ANKS1B: variants seen among roughly 807,000 people sequenced by gnomAD.
ANKS1B encodes ankyrin repeat and sterile alpha motif domain containing 1B.
Under a neutral mutation model 148.3 loss-of-function variants are expected in ANKS1B, and 36 were observed. The ratio of observed to expected loss-of-function variants is 0.24; its 90% confidence interval spans 0.19 to 0.32. The LOEUF (loss-of-function observed/expected upper bound fraction) is 0.32, where lower values mean the gene tolerates loss of function less well. ANKS1B is among the 10% of genes least tolerant of loss of function. ANKS1B has a pLI of 1.00. For missense variants in ANKS1B, 1,157 were observed against 1,542.6 expected (o/e 0.75, Z 4.19); for synonymous variants, 542 against 560.8 (o/e 0.97, Z 0.47).
chr12:98,895,280 C>T, intron 17 of ANKS1B: 1 of 985,488 alleles, frequency 1.0e-6, no homozygotes, highest in Non-Finnish European at 1.2e-6. Context: ...CCCTCGCATC[C>T]TCGGTTACTA....
At chr12:98,900,574 T>C (rs2099770625) in intron 17 of ANKS1B, among the ~76,000 whole-genome samples, 1 of 152,126 alleles carries the variant, frequency 6.6e-6, no homozygotes, top group Non-Finnish European at 1.5e-5. Context: ...GATGAGAAAG[T>C]AAGAGAGAGT....
intron 15 of ANKS1B, among the ~76,000 whole-genome samples, chr12:99,095,521 A>G (rs867808720): frequency 2.6e-5 from 4 of 152,184 alleles, no homozygotes; most frequent in Non-Finnish European, 5.9e-5. Flanking sequence ...TCTCCATTGG[A>G]TACCTGGAGG....
intron 14 of ANKS1B, among the ~76,000 whole-genome samples, chr12:99,226,157 A>G (rs1284114156): frequency 6.6e-6 from 1 of 152,206 alleles, no homozygotes; most frequent in Non-Finnish European, 1.5e-5. Context: ...TGAAAGAACT[A>G]ACAATAGTAT....
At chr12:99,219,634 T>C (rs570313370) in intron 14 of ANKS1B, among the ~76,000 whole-genome samples, 1 of 152,292 alleles carries the variant, frequency 6.6e-6, no homozygotes, top group Admixed American at 6.5e-5. Context: ...CACAAAAAGA[T>C]GCCTTTCACA....
chr12:98,847,938 G>A (rs111905691), intron 17 of ANKS1B, among the ~76,000 whole-genome samples: 9 of 152,144 alleles, frequency 5.9e-5, no homozygotes, highest in African/African-American at 2.2e-4. Flanking sequence ...TCCAGAAACA[G>A]AACTGAAGAA....
chr12:99,565,391 A>C (rs2097378557), intron 9 of ANKS1B, among the ~76,000 whole-genome samples: 1 of 152,016 alleles, frequency 6.6e-6, no homozygotes, highest in Admixed American at 6.6e-5. Flanking sequence ...CCTTCTTCAA[A>C]CCCCCCAACC....
intron 9 of ANKS1B, among the ~76,000 whole-genome samples, chr12:99,538,945 C>T (rs754126438): frequency 4.6e-5 from 7 of 152,044 alleles, no homozygotes; most frequent in Admixed American, 1.3e-4. Context: ...TATTTTATCA[C>T]GAAGAGATGT....
At chr12:99,810,357 T>C (rs1003027453) in intron 3 of ANKS1B, among the ~76,000 whole-genome samples, 113 of 151,958 alleles carry the variant, frequency 7.4e-4, no homozygotes, top group African/African-American at 2.7e-3. Flanking sequence ...TTTAAATACA[T>C]AAAAGTTTAT....
At chr12:98,904,860 CTT>C (rs5800371) in intron 17 of ANKS1B, among the ~76,000 whole-genome samples, 1,532 of 150,752 alleles carry the variant, frequency 0.01, 30 homozygotes, top group African/African-American at 0.033. Context: ...TTCAGTATCA[CTT>C]TTTTTTTTTC....
intron 1 of ANKS1B, among the ~76,000 whole-genome samples, chr12:99,852,831 T>C (rs2088185621): frequency 6.6e-6 from 1 of 152,218 alleles, no homozygotes. Flanking sequence ...TTCTCCACTC[T>C]GCTCAACGGC....
chr12:99,162,948 C>T (rs889210268), intron 14 of ANKS1B, among the ~76,000 whole-genome samples: 1 of 151,966 alleles, frequency 6.6e-6, no homozygotes, highest in African/African-American at 2.4e-5. Context: ...GTCCCAGCTA[C>T]TCTGGAGGCT....
chr12:99,481,747 G>C (rs555916826), intron 10 of ANKS1B, among the ~76,000 whole-genome samples: 4 of 151,756 alleles, frequency 2.6e-5, no homozygotes, highest in African/African-American at 9.7e-5. Context: ...GAGTAAGGTG[G>C]TTTGAATTTG....
At chr12:99,793,640 T>C (rs924926540) in intron 4 of ANKS1B, among the ~76,000 whole-genome samples, 9 of 151,982 alleles carry the variant, frequency 5.9e-5, no homozygotes, top group African/African-American at 2.2e-4. Context: ...GAAACTAGAC[T>C]CCTATCTCTC....
chr12:99,777,542 T>C (rs576240403), intron 6 of ANKS1B, among the ~76,000 whole-genome samples: 1 of 152,296 alleles, frequency 6.6e-6, no homozygotes, highest in African/African-American at 2.4e-5. Flanking sequence ...CCAAAAGACA[T>C]ATTACACACA....
rs544696866 is a variant in ANKS1B, at chr12:99,450,854, C to G, written c.1439-7045G>C. ...AATAATATGAAGAAAGCTGGTCTGG[C>G]TTTTATAATAATTCCATGATCCTTT... On this transcript the variant is annotated intron_variant, in intron 10 of 26. Coordinates refer to ENST00000683438, the MANE Select transcript of ANKS1B (RefSeq NM_001352186.2). 3.3e-5 allele frequency among the ~76,000 whole-genome samples: 5 copies of G among 152,248 alleles called. No homozygotes were observed. The South Asian group carries it at 6.2e-4, about 19-fold the overall frequency.
intron 15 of ANKS1B, among the ~76,000 whole-genome samples, chr12:99,133,308 C>T (rs1600702819): frequency 6.6e-6 from 1 of 152,262 alleles, no homozygotes; most frequent in East Asian, 1.9e-4. Context: ...CTGCCTCGGC[C>T]TCCCAAAGTG....
intron 15 of ANKS1B, among the ~76,000 whole-genome samples, chr12:99,107,746 A>C (rs560929851): frequency 6.6e-6 from 1 of 152,298 alleles, no homozygotes; most frequent in South Asian, 2.1e-4. Flanking sequence ...TTTTCTTGCA[A>C]TTCAGTTCCT....
chr12:98,847,768 G>A (rs555073832), intron 17 of ANKS1B, among the ~76,000 whole-genome samples: 16 of 152,066 alleles, frequency 1.1e-4, no homozygotes, highest in African/African-American at 2.4e-4. Flanking sequence ...GCTAATTTTC[G>A]TATTTTTAGT....
intron 9 of ANKS1B, among the ~76,000 whole-genome samples, chr12:99,604,348 A>G (rs1314759984): frequency 6.6e-6 from 1 of 152,108 alleles, no homozygotes; most frequent in Non-Finnish European, 1.5e-5. Flanking sequence ...AATTTAGCAT[A>G]TCAAATAAGC....
Sources: gnomAD v4.1 joint callset for allele counts (sites outside exome capture counted in the v4.1 genomes callset) on GRCh38, gnomAD v4.1.1 for gene constraint, MANE v1.5 for transcripts, NCBI Gene and HGNC (gene_info 2026-07-23, HGNC 2026-07-21) for gene names.